The following C12orf42 variants were observed in gnomAD, a reference collection of about 807,000 sequenced individuals.
The protein encoded by C12orf42 is uncharacterized protein C12orf42.
C12orf42 carries 25 observed loss-of-function variants against 21.6 expected under a neutral mutation model. That is an observed-to-expected ratio of 1.16 (90% CI 0.84 to 1.62). The LOEUF (loss-of-function observed/expected upper bound fraction) is 1.62. C12orf42 is among the 40% of genes most tolerant of loss of function. The probability of loss-of-function intolerance (pLI) is 0.00; values close to 1 mark genes in which losing one functional copy is unlikely to be tolerated. For synonymous variants in C12orf42, 174 were observed against 175.0 expected (o/e 0.99, Z 0.05); for missense variants, 483 against 459.3 (o/e 1.05, Z -0.47).
At chr12:103,556,409 A>G in the C12orf42 span, among the ~76,000 whole-genome samples, 1 of 152,236 alleles carries the variant, frequency 6.6e-6, no homozygotes, top group African/African-American at 2.4e-5. Flanking sequence ...AGGAATATCA[A>G]GGCAATAACT....
At chr12:103,443,895 C>T (rs919309156) in intron 2 of C12orf42, among the ~76,000 whole-genome samples, 32 of 152,016 alleles carry the variant, frequency 2.1e-4, no homozygotes, top group Admixed American at 2.0e-3. Flanking sequence ...GTCCTCGAAA[C>T]GTAAAACTGA....
the C12orf42 span, among the ~76,000 whole-genome samples, chr12:103,176,957 C>A: frequency 1.3e-5 from 2 of 152,012 alleles, no homozygotes; most frequent in Non-Finnish European, 2.9e-5. Flanking sequence ...ATGTTTGAAG[C>A]CAGCCATAAA....
intron 2 of C12orf42, among the ~76,000 whole-genome samples, chr12:103,457,570 G>A (rs936277763): frequency 2.0e-5 from 3 of 151,992 alleles, no homozygotes; most frequent in African/African-American, 7.3e-5. Context: ...AGCTGAATGG[G>A]GATCTACATG....
downstream of C12orf42, chr12:103,267,489 T>C (rs1483119175): frequency 1.3e-5 from 2 of 152,146 alleles, no homozygotes; most frequent in Non-Finnish European, 2.9e-5. Context: ...ACACAAATTA[T>C]ATATGTATGT....
intron 4 of C12orf42, among the ~76,000 whole-genome samples, chr12:103,311,271 C>G (rs1443606125): frequency 6.6e-6 from 1 of 151,800 alleles, no homozygotes; most frequent in Non-Finnish European, 1.5e-5. Flanking sequence ...GATGTTGGGA[C>G]AGGTGGTGAC....
chr12:103,472,948 T>C (rs1953744134), intron 2 of C12orf42, among the ~76,000 whole-genome samples: 1 of 152,190 alleles, frequency 6.6e-6, no homozygotes, highest in African/African-American at 2.4e-5. Flanking sequence ...ATATCTTTCT[T>C]TCTGGAGGAG....
chr12:103,161,587 G>A, the C12orf42 span: 1 of 152,138 alleles, frequency 6.6e-6, no homozygotes, highest in African/African-American at 2.4e-5. Context: ...TTAGAAAAAA[G>A]CATTGGAAAT....
At chr12:103,267,123 C>T (rs561577448), downstream of C12orf42, among the ~76,000 whole-genome samples, 1 of 152,104 alleles carries the variant, frequency 6.6e-6, no homozygotes, top group Non-Finnish European at 1.5e-5. Flanking sequence ...TTCTTCACCC[C>T]CTGTGTAAAT....
intron 4 of C12orf42, among the ~76,000 whole-genome samples, chr12:103,296,697 G>T (rs2037312906): frequency 6.6e-6 from 1 of 152,094 alleles, no homozygotes. Flanking sequence ...TCACTCACTT[G>T]TTGATGGGGT....
chr12:103,546,028 G>A, the C12orf42 span, among the ~76,000 whole-genome samples: 1 of 152,152 alleles, frequency 6.6e-6, no homozygotes, highest in Non-Finnish European at 1.5e-5. Flanking sequence ...TGGTTTTTAT[G>A]CATTATTTTG....
At chr12:103,501,367 C>G in the C12orf42 span, among the ~76,000 whole-genome samples, 2 of 152,166 alleles carry the variant, frequency 1.3e-5, no homozygotes, top group Non-Finnish European at 2.9e-5. Flanking sequence ...CTCTTTCTTT[C>G]CTCTGTTCCT....
At chr12:103,534,227 T>A in the C12orf42 span, among the ~76,000 whole-genome samples, 10 of 152,238 alleles carry the variant, frequency 6.6e-5, no homozygotes, top group Non-Finnish European at 1.2e-4. Context: ...CCAATCGCTG[T>A]GTAGAGGTAG....
At chr12:103,325,226 C>G (rs562223465) in intron 4 of C12orf42, among the ~76,000 whole-genome samples, 23 of 152,310 alleles carry the variant, frequency 1.5e-4, no homozygotes, top group African/African-American at 5.1e-4. Flanking sequence ...GGCAGGCAGG[C>G]CTTATTCATG....
At chr12:103,150,943 T>G in the C12orf42 span, among the ~76,000 whole-genome samples, 39 of 151,702 alleles carry the variant, frequency 2.6e-4, no homozygotes, top group African/African-American at 9.5e-4. Flanking sequence ...CGGAAGGGAG[T>G]GTATCTGTTT....
rs1380742798 is a variant in C12orf42 at position 103,302,075 on chromosome 12, G to C, written c.*33C>G. 21 of 1,586,036 alleles carry C rather than the reference G, an allele frequency of 1.3e-5. No homozygotes were observed. Among genetic ancestry groups the C allele is most frequent in the Non-Finnish European group, 1.8e-5 (21 of 1,165,050 alleles). ...CTGAGCAGGCATTGATTTGAAGATGGGCAGCACTCGCCGAACAATTCCCTC... is the reference window on the plus strand; with the variant it reads ...CTGAGCAGGCATTGATTTGAAGATGCGCAGCACTCGCCGAACAATTCCCTC... On this transcript the variant is annotated 3_prime_UTR_variant, in exon 6 of 6. Coordinates refer to ENST00000548883, the MANE Select transcript of C12orf42 (RefSeq NM_198521.5).
upstream of C12orf42, among the ~76,000 whole-genome samples, chr12:103,500,529 T>G (rs1176943170): frequency 1.3e-5 from 2 of 152,136 alleles, no homozygotes; most frequent in African/African-American, 4.8e-5. Flanking sequence ...AATAAGCTAA[T>G]AAGAGAGGCA....
chr12:103,058,631 C>T, the C12orf42 span, among the ~76,000 whole-genome samples: 6 of 152,174 alleles, frequency 3.9e-5, no homozygotes, highest in African/African-American at 1.4e-4. Flanking sequence ...TTATAACAGT[C>T]TCTCAGACCA....
At chr12:103,158,008 T>C in the C12orf42 span, among the ~76,000 whole-genome samples, 1 of 152,212 alleles carries the variant, frequency 6.6e-6, no homozygotes, top group African/African-American at 2.4e-5. Flanking sequence ...TCTTATGATT[T>C]TTTAAATTTT....
chr12:103,073,637 A>G, the C12orf42 span, among the ~76,000 whole-genome samples: 1 of 152,158 alleles, frequency 6.6e-6, no homozygotes, highest in African/African-American at 2.4e-5. Context: ...AAACTTGCAG[A>G]TGGCTGCTAG....
Sources: gnomAD v4.1 joint callset for allele counts (sites outside exome capture counted in the v4.1 genomes callset) on GRCh38, gnomAD v4.1.1 for gene constraint, MANE v1.5 for transcripts, NCBI Gene and HGNC (gene_info 2026-07-23, HGNC 2026-07-21) for gene names.